The following RNF220 variants were observed in gnomAD, a reference collection of about 807,000 sequenced individuals.
RNF220 encodes the protein ring finger protein 220.
A neutral mutation model predicts 67.1 loss-of-function variants in RNF220; 7 were observed. The ratio of observed to expected loss-of-function variants is 0.10; its 90% CI spans 0.06 to 0.20. The LOEUF (loss-of-function observed/expected upper bound fraction) is 0.20, where lower values mean the gene tolerates loss of function less well. RNF220 is among the 10% of genes least tolerant of loss of function. The pLI, the probability that RNF220 is intolerant of heterozygous loss-of-function variation, is 1.00. For synonymous variants in RNF220, 270 were observed against 283.2 expected (o/e 0.95, Z 0.47); for missense variants, 565 against 740.3 (o/e 0.76, Z 2.75).
chr1:44,486,092 CA>C (rs2148036515), intron 2 of RNF220, among the ~76,000 whole-genome samples: 1 of 151,946 alleles, frequency 6.6e-6, no homozygotes, highest in South Asian at 2.1e-4. Flanking sequence ...CCCTATTATT[CA>C]GCAACTCTCT....
chr1:44,514,189 A>G (rs374489840), intron 2 of RNF220, among the ~76,000 whole-genome samples: 13 of 152,190 alleles, frequency 8.5e-5, no homozygotes, highest in African/African-American at 2.9e-4. Flanking sequence ...TTCTCTTGTT[A>G]AGTGCCATAA....
chr1:44,478,232 C>T (rs987149217), intron 2 of RNF220, among the ~76,000 whole-genome samples: 15 of 151,970 alleles, frequency 9.9e-5, no homozygotes, highest in Admixed American at 8.5e-4. Flanking sequence ...TCCCTGCCTC[C>T]GCCTCCCAAA....
chr1:44,478,125 A>G (rs967931152), intron 2 of RNF220, among the ~76,000 whole-genome samples: 5 of 152,158 alleles, frequency 3.3e-5, no homozygotes, highest in African/African-American at 7.2e-5. Context: ...ATTACAAGGT[A>G]TGCACCACCA....
intron 2 of RNF220, among the ~76,000 whole-genome samples, chr1:44,513,870 C>T (rs1408275006): frequency 6.6e-6 from 1 of 152,122 alleles, no homozygotes; most frequent in African/African-American, 2.4e-5. Flanking sequence ...TGCCACATCG[C>T]CAATGTCTTC....
At chr1:44,562,700 A>G (rs572903789) in intron 2 of RNF220, among the ~76,000 whole-genome samples, 1 of 152,312 alleles carries the variant, frequency 6.6e-6, no homozygotes, top group East Asian at 1.9e-4. Context: ...AAGGAACCTC[A>G]AAAAGGCAGG....
intron 2 of RNF220, among the ~76,000 whole-genome samples, chr1:44,510,369 T>C (rs973648689): frequency 3.3e-5 from 5 of 151,966 alleles, no homozygotes; most frequent in Non-Finnish European, 7.4e-5. Context: ...CAGGGCACAG[T>C]GGAGCAGCAC....
rs1259891493 is a variant in RNF220 at position 44,405,535 on chromosome 1, G to A, written c.-118+5G>A. 4 of 427,864 alleles carry A rather than the reference G, an allele frequency of 9.3e-6. No individual in the cohort carries two copies. Among genetic ancestry groups the A allele is most frequent in the South Asian group, 3.0e-5 (1 of 33,608 alleles). The allele number at this position is 427,864 out of a possible 1,614,324, so 26.5% of individuals were successfully genotyped here. A position where few individuals can be genotyped will look rare whatever the true frequency, so the allele number is the denominator to read the frequency against. ...CCCAAGGAATTTCCACGGCAAGTAT[G>A]GAGATCAGAAAGGGGTGTGGACGTG... On this transcript the variant is annotated splice_donor_5th_base_variant and intron_variant, in intron 1 of 14. Coordinates refer to ENST00000361799, the MANE Select transcript of RNF220 (RefSeq NM_018150.4).
At chr1:44,444,269 T>C (rs1651853816) in intron 2 of RNF220, among the ~76,000 whole-genome samples, 1 of 152,174 alleles carries the variant, frequency 6.6e-6, no homozygotes, top group Admixed American at 6.5e-5. Flanking sequence ...CCCCAAACAA[T>C]ATAGTTTTGT....
chr1:44,486,352 C>T (rs542252599), intron 2 of RNF220, among the ~76,000 whole-genome samples: 35 of 152,300 alleles, frequency 2.3e-4, no homozygotes, highest in Middle Eastern at 3.4e-3. Context: ...GAGAAAATCA[C>T]GGGCAATAGA....
At chr1:44,602,316 A>G (rs961057095) in intron 2 of RNF220, among the ~76,000 whole-genome samples, 6 of 152,124 alleles carry the variant, frequency 3.9e-5, no homozygotes, top group Non-Finnish European at 7.4e-5. Context: ...AGAAGCAATG[A>G]GCTGGAAGAC....
intron 2 of RNF220, among the ~76,000 whole-genome samples, chr1:44,470,066 CAA>C (rs34882606): frequency 0.21 from 31,178 of 151,950 alleles, 3,501 homozygotes; most frequent in Middle Eastern, 0.27. Flanking sequence ...TGCAGGGAAA[CAA>C]GAGCAGATGT....
intron 2 of RNF220, among the ~76,000 whole-genome samples, chr1:44,460,571 C>A (rs1653665041): frequency 6.6e-6 from 1 of 152,138 alleles, no homozygotes; most frequent in African/African-American, 2.4e-5. Context: ...GTTCTTCGAT[C>A]ATTGAGGGTT....
intron 2 of RNF220, among the ~76,000 whole-genome samples, chr1:44,544,393 C>T (rs761094986): frequency 6.6e-5 from 10 of 152,340 alleles, no homozygotes; most frequent in Non-Finnish European, 1.2e-4. Context: ...TTTAACCTCT[C>T]TGAGCCTCAG....
intron 2 of RNF220, among the ~76,000 whole-genome samples, chr1:44,426,444 A>G (rs1649781002): frequency 6.6e-6 from 1 of 152,200 alleles, no homozygotes; most frequent in Non-Finnish European, 1.5e-5. Flanking sequence ...AGGCTTTACT[A>G]GGCCAGGTGT....
Position 44,405,429 on chromosome 1 carries a change from C to G in RNF220, c.-219C>G. On this transcript the variant is annotated 5_prime_UTR_variant, in exon 1 of 15. Coordinates refer to ENST00000361799, the MANE Select transcript of RNF220 (RefSeq NM_018150.4). ...GCCGCCGCCGCCGCCGCTGCCTCCG[C>G]CGGCTCTGCGAACCCGGGACTTTTC... The G allele has an allele frequency of 1.6e-6, 1 of 631,144 alleles. No homozygotes were observed. Among genetic ancestry groups the G allele is most frequent in the Non-Finnish European group, 2.9e-6 (1 of 349,316 alleles). The allele number at this position is 631,144 out of a possible 1,614,324, so 39.1% of individuals were successfully genotyped here. A position where few individuals can be genotyped will look rare whatever the true frequency, so the allele number is the denominator to read the frequency against.
chr1:44,470,954 C>A (rs571012668), intron 2 of RNF220, among the ~76,000 whole-genome samples: 4 of 152,224 alleles, frequency 2.6e-5, no homozygotes, highest in East Asian at 1.9e-4. Context: ...ATTCCCAACC[C>A]ACTGGACTTC....
Position 44,650,396 on chromosome 1 carries a change from C to T in RNF220, c.1630-308C>T. On this transcript the variant is annotated intron_variant, in intron 14 of 14. Coordinates refer to ENST00000361799, the MANE Select transcript of RNF220 (RefSeq NM_018150.4). The surrounding 1 kb of genome is among the most constrained non-coding windows in gnomAD (Gnocchi z 4.3). Reference sequence around the variant, plus strand: ...CAGTAATAAAAGGCTCGGACGTGGGCTCTGTGTCCTGATCAAAGGCCGCGT... The same window carrying T: ...CAGTAATAAAAGGCTCGGACGTGGGTTCTGTGTCCTGATCAAAGGCCGCGT... The T allele has an allele frequency of 2.0e-6, 1 of 492,608 alleles. No individual in the cohort carries two copies. The highest frequency in any genetic ancestry group is 3.7e-6 in the Non-Finnish European group (1 of 270,464). The allele number at this position is 492,608 out of a possible 1,614,324, so 30.5% of individuals were successfully genotyped here. A position where few individuals can be genotyped will look rare whatever the true frequency, so the allele number is the denominator to read the frequency against.
chr1:44,534,943 A>G (rs1344470419), intron 2 of RNF220, among the ~76,000 whole-genome samples: 5 of 152,144 alleles, frequency 3.3e-5, no homozygotes, highest in Non-Finnish European at 7.3e-5. Context: ...TCAAGTGGAG[A>G]TGCTATTTAG....
chr1:44,529,825 C>A (rs930754791), intron 2 of RNF220, among the ~76,000 whole-genome samples: 2 of 151,966 alleles, frequency 1.3e-5, no homozygotes, highest in Admixed American at 6.6e-5. Context: ...CCAAGGTGGG[C>A]GGATTGCCTG....
Sources: gnomAD v4.1 joint callset for allele counts (sites outside exome capture counted in the v4.1 genomes callset) on GRCh38, gnomAD v4.1.1 for gene constraint, Gnocchi (gnomAD v3.1) non-coding constraint, MANE v1.5 for transcripts, NCBI Gene and HGNC (gene_info 2026-07-23, HGNC 2026-07-21) for gene names.